The following ATP6V0A4 variants were observed in gnomAD, a reference collection of about 807,000 sequenced individuals.
ATP6V0A4 encodes ATPase H+ transporting V0 subunit a4.
Under a neutral mutation model 107.3 loss-of-function variants are expected in ATP6V0A4, and 86 were observed. The observed-to-expected ratio is 0.80, with a 90% confidence interval of 0.67 to 0.96. The LOEUF is 0.96. Ranked by LOEUF, ATP6V0A4 falls within the 40% of genes least tolerant of loss-of-function variation. The pLI is 0.00. For missense variants in ATP6V0A4, 908 were observed against 1,045.6 expected, an observed-to-expected ratio of 0.87 and a Z score of 1.81; for synonymous variants, 353 against 381.4, an observed-to-expected ratio of 0.93 and a Z score of 0.87.
chr7:138,787,470 A>C (rs6467802), intron 1 of ATP6V0A4, among the ~76,000 whole-genome samples: 87,628 of 151,828 alleles, frequency 0.58, 25,657 homozygotes, highest in African/African-American at 0.65. Flanking sequence ...CCCAACCAAC[A>C]AACCTAGAGG....
At chr7:138,785,953 G>A (rs1808159950) in intron 2 of ATP6V0A4, among the ~76,000 whole-genome samples, 1 of 152,140 alleles carries the variant, frequency 6.6e-6, no homozygotes, top group African/African-American at 2.4e-5. Flanking sequence ...ACGCCAGTGG[G>A]GCACTCCCTG....
intron 18 of ATP6V0A4, among the ~76,000 whole-genome samples, chr7:138,723,457 T>C (rs141447245): frequency 6.6e-5 from 10 of 152,126 alleles, no homozygotes; most frequent in African/African-American, 2.2e-4. Flanking sequence ...AAAGTTTTTC[T>C]AGAATGATTT....
In ATP6V0A4 at chr7:138,722,026, C is replaced by G. The variant is rs1466371618; in HGVS notation, c.2011-1G>C. 3 of 1,614,112 alleles carry G rather than the reference C, an allele frequency of 1.9e-6. No homozygotes were observed. Among genetic ancestry groups the G allele is most frequent in the Non-Finnish European group, 1.7e-6 (2 of 1,180,020 alleles). ...CTTCTTGGATCCTGGATGCCTGCAG[C>G]TGACAACAAGCAGGGAAATGAGGAA... On this transcript the variant is annotated splice_acceptor_variant, in intron 18 of 21. Coordinates refer to ENST00000310018, the MANE Select transcript of ATP6V0A4 (RefSeq NM_020632.3). LOFTEE classifies it high-confidence loss of function.
intron 11 of ATP6V0A4, among the ~76,000 whole-genome samples, chr7:138,751,230 C>T (rs1806207679): frequency 6.6e-6 from 1 of 152,174 alleles, no homozygotes; most frequent in East Asian, 1.9e-4. Flanking sequence ...CAAAGGTCAC[C>T]TCACCCTCGT....
chr7:138,740,666 T>A (rs1414162925), intron 14 of ATP6V0A4, among the ~76,000 whole-genome samples: 1 of 151,400 alleles, frequency 6.6e-6, no homozygotes, highest in African/African-American at 2.4e-5. Context: ...GGTCTCGAAC[T>A]CCTGACCTCA....
chr7:138,756,569 A>C, intron 8 of ATP6V0A4, 29 bp from the exon 9 acceptor site: 1 of 1,583,730 alleles, frequency 6.3e-7, no homozygotes, highest in South Asian at 1.1e-5. Flanking sequence ...TTAAAAAAAA[A>C]GGGGGGGGTT....
rs777101332 is a variant in ATP6V0A4, at chr7:138,798,117, C to T, written c.-204G>A. ...CACAGCCTCCAGCATGCAGCGCCTC[C>T]CCGCTGCCACCCGGGCCACCCTGAT... On this transcript the variant is annotated 5_prime_UTR_variant, in exon 1 of 22. Transcript: ENST00000310018. The T allele has an allele frequency of 6.3e-7, 1 of 1,599,582 alleles. No homozygotes were observed. Among genetic ancestry groups the T allele is most frequent in the Non-Finnish European group, 8.5e-7 (1 of 1,173,796 alleles).
At chr7:138,713,717 A>G (rs1450096704) in intron 20 of ATP6V0A4, among the ~76,000 whole-genome samples, 2 of 152,166 alleles carry the variant, frequency 1.3e-5, no homozygotes, top group Admixed American at 1.3e-4. Context: ...AATATCAGAT[A>G]GAGAGAGAAT....
At chr7:138,747,738 T>A in intron 12 of ATP6V0A4, 174 bp from the exon 13 acceptor site, 1 of 1,067,614 alleles carries the variant, frequency 9.4e-7, no homozygotes, top group Admixed American at 2.8e-5. Flanking sequence ...AATGAGTGCA[T>A]CTGTTCCTAG....
intron 2 of ATP6V0A4, among the ~76,000 whole-genome samples, chr7:138,777,333 G>T (rs1328813457): frequency 6.6e-6 from 1 of 151,894 alleles, no homozygotes. Context: ...AAAATATTAT[G>T]GCCGGGCGCG....
At position 138,706,542 on chromosome 7, in the gene ATP6V0A4, G is replaced by A. The variant is rs1397379827; in HGVS notation, c.*82C>T. ...GCCAAGAACAACCTTCCCATTGAGC[G>A]CCTTGCAGGGGCTGATATCAAAGAC... On this transcript the variant is annotated 3_prime_UTR_variant, in exon 22 of 22. Coordinates refer to ENST00000310018, the MANE Select transcript of ATP6V0A4 (RefSeq NM_020632.3). 7.3e-6 allele frequency: 11 copies of A among 1,512,314 alleles called. No homozygotes were observed. The highest frequency in any genetic ancestry group is 6.9e-5 in the Admixed American group (4 of 57,798). The allele number at this position is 1,512,314 out of a possible 1,614,324, so 93.7% of individuals were successfully genotyped here.
At position 138,738,718 on chromosome 7, in the gene ATP6V0A4, G is replaced by C. The variant is rs185523586; in HGVS notation, c.1572+822C>G. On this transcript the variant is annotated intron_variant, in intron 15 of 21. Transcript: ENST00000310018. The stretch of plus-strand genomic sequence containing the variant: ...AGCGGAATGACACAGGAAAACTTAA[G>C]AGGAGGTGACCTGTAAGATGGGAGA... Among the ~76,000 whole-genome samples the C allele has an allele frequency of 1.1e-3, 162 of 152,294 alleles. 2 individuals are homozygous for C. The highest frequency in any genetic ancestry group is 3.8e-3 in the African/African-American group (158 of 41,568).
chr7:138,756,484 C>T lies in ATP6V0A4; in HGVS notation c.696G>A (p.Arg232=), dbSNP rs998890838. ...CATCACAGATCTTCTTGATTTTCTG[C>T]CTGAGCTGCTCTCCTTGGTAAAATA... The part of the protein sequence containing the change: ...FIIFYQGEQL[R]QKIKKICDGF... Residue 232 remains arginine, a synonymous_variant, in exon 9 of 22, where the codon AGG becomes AGA. Transcript: ENST00000310018. 6.8e-6 allele frequency: 11 copies of T among 1,613,308 alleles called. No homozygotes were observed. Among genetic ancestry groups the T allele is most frequent in the Non-Finnish European group, 6.8e-6 (8 of 1,179,840 alleles).
At chr7:138,759,628 A>C in intron 8 of ATP6V0A4, 124 bp downstream of exon 8, 1 of 1,072,364 alleles carries the variant, frequency 9.3e-7, no homozygotes, top group Non-Finnish European at 1.4e-6. Flanking sequence ...AAAAAAGGAG[A>C]AAAAAAGGAA....
chr7:138,754,418 A>C (rs1408332271), intron 10 of ATP6V0A4, among the ~76,000 whole-genome samples: 2 of 149,116 alleles, frequency 1.3e-5, no homozygotes, highest in African/African-American at 4.9e-5. Flanking sequence ...ACTGCACTCC[A>C]GCCTGGGCAA....
chr7:138,710,721 G>A (rs1436164773), intron 20 of ATP6V0A4, among the ~76,000 whole-genome samples: 2 of 152,178 alleles, frequency 1.3e-5, no homozygotes, highest in East Asian at 3.9e-4. Context: ...GGTGAATTCA[G>A]CCTCACTCGG....
chr7:138,782,187 T>A (rs749636326), intron 2 of ATP6V0A4, among the ~76,000 whole-genome samples: 1 of 152,236 alleles, frequency 6.6e-6, no homozygotes, highest in Non-Finnish European at 1.5e-5. Flanking sequence ...TGGTTCCCTC[T>A]GAAGGCTGTG....
chr7:138,718,411 G>T (rs1453997649), intron 19 of ATP6V0A4, among the ~76,000 whole-genome samples: 10 of 104,620 alleles, frequency 9.6e-5, no homozygotes, highest in Non-Finnish European at 9.9e-5. Flanking sequence ...CAGGAAGGAA[G>T]GGGGGGCGTG....
intron 19 of ATP6V0A4, 34 bp from the exon 20 acceptor site, chr7:138,715,915 A>C: frequency 6.2e-7 from 1 of 1,608,808 alleles, no homozygotes; most frequent in Non-Finnish European, 8.5e-7. Flanking sequence ...TACTTCATTG[A>C]GAATTTTCTA....
Sources: gnomAD v4.1 joint callset for allele counts (sites outside exome capture counted in the v4.1 genomes callset) on GRCh38, gnomAD v4.1.1 for gene constraint, MANE v1.5 for transcripts, NCBI Gene and HGNC (gene_info 2026-07-23, HGNC 2026-07-21) for gene names.